REC114: variants seen among roughly 807,000 people sequenced by gnomAD.
REC114 encodes meiotic recombination protein REC114.
A neutral mutation model predicts 31.3 loss-of-function variants in REC114; 27 were observed. That is an observed-to-expected ratio of 0.86 (90% CI 0.64 to 1.19). REC114 has a LOEUF of 1.19. Ranked by LOEUF, REC114 falls within the 50% of genes most tolerant of loss-of-function variation. REC114 has a pLI of 0.00. For synonymous variants in REC114, 134 were observed against 127.7 expected, an observed-to-expected ratio of 1.05 and a Z score of -0.33; for missense variants, 344 against 326.9, an observed-to-expected ratio of 1.05 and a Z score of -0.40.
intron 1 of REC114, among the ~76,000 whole-genome samples, chr15:73,445,078 G>A (rs932044255): frequency 6.6e-6 from 1 of 152,150 alleles, no homozygotes; most frequent in South Asian, 2.1e-4. Flanking sequence ...AGGCTTTGTT[G>A]TTCTATTTAT....
At chr15:73,525,796 GA>G (rs893997986) in intron 2 of REC114, among the ~76,000 whole-genome samples, 1 of 152,062 alleles carries the variant, frequency 6.6e-6, no homozygotes, top group African/African-American at 2.4e-5. Flanking sequence ...GTGTGCATTT[GA>G]AAATAATGTA....
intron 2 of REC114, among the ~76,000 whole-genome samples, chr15:73,536,577 G>A (rs1047505483): frequency 6.6e-6 from 1 of 152,202 alleles, no homozygotes; most frequent in Admixed American, 6.5e-5. Flanking sequence ...TATCAGTTGA[G>A]CCAAACTGAA....
chr15:73,544,973 A>G (rs1334415757), intron 3 of REC114, among the ~76,000 whole-genome samples: 2 of 152,020 alleles, frequency 1.3e-5, no homozygotes, highest in Admixed American at 6.6e-5. Context: ...TGGGCTCCAC[A>G]TTTTCCAGGG....
Position 73,551,087 on chromosome 15 carries a change from C to T in REC114, c.483C>T (p.Gly161=), listed in dbSNP as rs768097380. 3.7e-6 allele frequency: 6 copies of T among 1,613,482 alleles called. No individual in the cohort carries two copies. The highest frequency in any genetic ancestry group is 5.1e-6 in the Non-Finnish European group (6 of 1,179,682). The part of the protein sequence containing the change: ...GNIQELQLIP[G]PPRATESQGK... ...TCCAGGAGCTTCAGCTGATTCCTGG[C>T]CCACCCAGGGCAACTGAAAGTCAAG... Residue 161 remains glycine, a synonymous_variant, in exon 4 of 6, where the codon GGC becomes GGT. Transcript: ENST00000331090.
At chr15:73,556,216 T>C (rs532484259) in intron 4 of REC114, 86 bp from the exon 5 acceptor site, 5 of 1,117,074 alleles carry the variant, frequency 4.5e-6, no homozygotes, top group Admixed American at 4.3e-5. Flanking sequence ...TCTTTGAACA[T>C]GAATGCATAT....
At chr15:73,491,455 A>G (rs1425111091) in intron 2 of REC114, among the ~76,000 whole-genome samples, 1 of 152,206 alleles carries the variant, frequency 6.6e-6, no homozygotes, top group Non-Finnish European at 1.5e-5. Flanking sequence ...AATTATGAGT[A>G]GAGCTTTTAT....
intron 2 of REC114, among the ~76,000 whole-genome samples, chr15:73,519,102 T>C (rs1893901956): frequency 6.6e-6 from 1 of 152,216 alleles, no homozygotes; most frequent in Non-Finnish European, 1.5e-5. Flanking sequence ...TAACAAGTGT[T>C]GGTGCTATGG....
chr15:73,468,381 T>A (rs1395637428), intron 1 of REC114, among the ~76,000 whole-genome samples: 1 of 152,210 alleles, frequency 6.6e-6, no homozygotes, highest in Non-Finnish European at 1.5e-5. Context: ...AGGTTCTAGT[T>A]CTTCATTAGT....
chr15:73,521,097 A>C (rs1388799249), intron 2 of REC114, among the ~76,000 whole-genome samples: 1 of 152,222 alleles, frequency 6.6e-6, no homozygotes, highest in Non-Finnish European at 1.5e-5. Context: ...AGAAAGTCTT[A>C]GCAGAGGTAA....
intron 1 of REC114, among the ~76,000 whole-genome samples, chr15:73,464,411 GT>G (rs34327595): frequency 1.3e-5 from 2 of 152,002 alleles, no homozygotes; most frequent in African/African-American, 4.8e-5. Flanking sequence ...CTAGCAGCTT[GT>G]TCCCCCGGGA....
At chr15:73,545,704 C>A (rs188155554) in intron 3 of REC114, among the ~76,000 whole-genome samples, 1 of 152,138 alleles carries the variant, frequency 6.6e-6, no homozygotes, top group South Asian at 2.1e-4. Context: ...TTATTATATA[C>A]ATTCACATAT....
intron 2 of REC114, among the ~76,000 whole-genome samples, chr15:73,485,697 G>A (rs1286442991): frequency 1.3e-5 from 2 of 152,174 alleles, no homozygotes; most frequent in African/African-American, 4.8e-5. Context: ...CTCCCCAGAA[G>A]CAGACGCTGG....
intron 2 of REC114, among the ~76,000 whole-genome samples, chr15:73,494,500 A>G (rs930113026): frequency 6.6e-6 from 1 of 152,080 alleles, no homozygotes; most frequent in Admixed American, 6.6e-5. Context: ...TCAAAAAAAA[A>G]AAAAAAAAAT....
chr15:73,448,044 C>T (rs1892791550), intron 1 of REC114, among the ~76,000 whole-genome samples: 1 of 152,058 alleles, frequency 6.6e-6, no homozygotes, highest in South Asian at 2.1e-4. Flanking sequence ...GGGTTTCAAG[C>T]ACAAAACTGG....
At chr15:73,462,661 G>A (rs1893004523) in intron 1 of REC114, among the ~76,000 whole-genome samples, 3 of 152,000 alleles carry the variant, frequency 2.0e-5, no homozygotes, top group South Asian at 4.1e-4. Flanking sequence ...CGAGGCAGGC[G>A]GATCATGAGG....
intron 2 of REC114, among the ~76,000 whole-genome samples, chr15:73,507,036 C>G (rs572922701): frequency 1.3e-5 from 2 of 151,970 alleles, no homozygotes; most frequent in East Asian, 1.9e-4. Context: ...TAAAAAAATT[C>G]AAAACTTTCT....
chr15:73,447,768 T>C (rs1892787808), intron 1 of REC114, among the ~76,000 whole-genome samples: 2 of 152,116 alleles, frequency 1.3e-5, no homozygotes, highest in Non-Finnish European at 2.9e-5. Context: ...AGGCGGGTGA[T>C]TTCTGCATTT....
chr15:73,451,509 A>G (rs1892848239), intron 1 of REC114, among the ~76,000 whole-genome samples: 1 of 152,232 alleles, frequency 6.6e-6, no homozygotes, highest in Non-Finnish European at 1.5e-5. Context: ...AACTAAAAAA[A>G]GTCCAGAACC....
intron 2 of REC114, among the ~76,000 whole-genome samples, chr15:73,517,988 T>A (rs1893884487): frequency 6.6e-6 from 1 of 152,180 alleles, no homozygotes; most frequent in Non-Finnish European, 1.5e-5. Context: ...GACAAATGTT[T>A]CACAAAGGAA....
Sources: allele counts gnomAD v4.1 joint callset (sites outside exome capture counted in the v4.1 genomes callset), GRCh38; gene constraint gnomAD v4.1.1; transcripts MANE v1.5; gene names NCBI Gene and HGNC (gene_info 2026-07-23, HGNC 2026-07-21).